RASAL2: variants seen among roughly 807,000 people sequenced by gnomAD.
RASAL2 encodes the protein RAS protein activator like 2.
Under a neutral mutation model 128.9 loss-of-function variants are expected in RASAL2, and 58 were observed. The observed-to-expected ratio is 0.45, with a 90% CI of 0.36 to 0.56. The LOEUF is 0.56. Ranked by LOEUF, RASAL2 falls within the 20% of genes least tolerant of loss-of-function variation. The pLI is 0.00. For missense variants in RASAL2, 1,360 were observed against 1,601.6 expected, an observed-to-expected ratio of 0.85 and a Z score of 2.57; for synonymous variants, 561 against 580.8, an observed-to-expected ratio of 0.97 and a Z score of 0.49.
rs1667701524 is a variant in RASAL2 at position 178,300,123 on chromosome 1, GCTA to G, written c.457+9_457+11del. 3 of 1,604,152 alleles carry G rather than the reference GCTA, an allele frequency of 1.9e-6. No individual in the cohort carries two copies. The East Asian group carries it at 6.7e-5, about 36-fold the overall frequency. ...CAGAGGGCGCCACTAAACTGGGTAAGCTACTATGAAAAGGAAATAAATTCCTAG... is the reference window on the plus strand; with the variant it reads ...CAGAGGGCGCCACTAAACTGGGTAAGCTATGAAAAGGAAATAAATTCCTAG... On this transcript the variant is annotated splice_donor_region_variant and intron_variant, in intron 3 of 17. Transcript: ENST00000367649.
chr1:178,247,174 C>A (rs1472500527), intron 1 of RASAL2, among the ~76,000 whole-genome samples: 5 of 152,098 alleles, frequency 3.3e-5, no homozygotes, highest in African/African-American at 1.2e-4. Context: ...TGGTAGAATT[C>A]GGCTGTGGAT....
rs1266553545 is a variant in RASAL2, at chr1:178,445,612, T to C, written c.1577T>C (p.Ile526Thr). The C allele has an allele frequency of 6.8e-6, 11 of 1,613,722 alleles. No individual in the cohort carries two copies. The highest frequency in any genetic ancestry group is 8.5e-6 in the Non-Finnish European group (10 of 1,179,786). ...GAGAACACTATTGCCACCAAATCCA[T>C]TGAGGAATACCTCAAGTTGGTGGGA... is the stretch of plus-strand genomic sequence containing the variant. Reference protein sequence around the residue: ...FRENTIATKSIEEYLKLVGQQ... With the variant: ...FRENTIATKSTEEYLKLVGQQ... Residue 526 changes from isoleucine (I) to threonine (T), a missense_variant, in exon 9 of 18, where the codon ATT becomes ACT. Coordinates refer to ENST00000367649, the MANE Select transcript of RASAL2 (RefSeq NM_170692.4).
At chr1:178,432,247 T>C (rs1021448630) in intron 5 of RASAL2, among the ~76,000 whole-genome samples, 2 of 152,098 alleles carry the variant, frequency 1.3e-5, no homozygotes, top group Non-Finnish European at 2.9e-5. Flanking sequence ...CTTCCTCATA[T>C]TTCATTCATT....
At chr1:178,194,824 C>T (rs895498274) in intron 1 of RASAL2, 1 of 152,252 alleles carries the variant, frequency 6.6e-6, no homozygotes, top group African/African-American at 2.4e-5. Context: ...CTGCACCTGA[C>T]ACAAAGAATG....
intron 3 of RASAL2, among the ~76,000 whole-genome samples, chr1:178,375,018 AGAC>A (rs1671912514): frequency 6.6e-6 from 1 of 152,178 alleles, no homozygotes; most frequent in African/African-American, 2.4e-5. Context: ...ATGGTAATTC[AGAC>A]GACAGTGGAG....
chr1:178,284,895 G>C (rs1666945634), intron 2 of RASAL2, among the ~76,000 whole-genome samples: 1 of 152,038 alleles, frequency 6.6e-6, no homozygotes, highest in Non-Finnish European at 1.5e-5. Flanking sequence ...TTCCAGAAAG[G>C]TGAGTTCAAA....
intron 1 of RASAL2, among the ~76,000 whole-genome samples, chr1:178,114,743 C>T (rs1340850771): frequency 1.3e-5 from 2 of 152,102 alleles, no homozygotes; most frequent in African/African-American, 2.4e-5. Flanking sequence ...AGGATGGTCT[C>T]GATCTCCTGA....
At position 178,303,315 on chromosome 1, in the gene RASAL2, G is replaced by A. The variant is rs190418128; in HGVS notation, c.457+3197G>A. ...TAATACAATAAAACTTCTAGAAATAGTGTAGGATATTTTCATGATCTTGGA... is the reference window on the plus strand; with the variant it reads ...TAATACAATAAAACTTCTAGAAATAATGTAGGATATTTTCATGATCTTGGA... On this transcript the variant is annotated intron_variant, in intron 3 of 17. Transcript: ENST00000367649. Among the ~76,000 whole-genome samples the A allele has an allele frequency of 4.6e-5, 7 of 152,202 alleles. No individual in the cohort carries two copies. The East Asian group carries it at 1.4e-3, about 29-fold the overall frequency.
intron 15 of RASAL2, among the ~76,000 whole-genome samples, chr1:178,465,487 T>C (rs767954978): frequency 2.6e-5 from 4 of 152,202 alleles, no homozygotes; most frequent in African/African-American, 4.8e-5. Context: ...TTTTCTCTTA[T>C]AGACAACTGA....
At chr1:178,333,249 G>A (rs550067044) in intron 3 of RASAL2, among the ~76,000 whole-genome samples, 1 of 151,640 alleles carries the variant, frequency 6.6e-6, no homozygotes. Flanking sequence ...GGATGGTCTC[G>A]ATCTCCTGAC....
chr1:178,290,743 T>A (rs2102238307), intron 2 of RASAL2, among the ~76,000 whole-genome samples: 1 of 152,282 alleles, frequency 6.6e-6, no homozygotes, highest in South Asian at 2.1e-4. Flanking sequence ...TGGTGCGATC[T>A]CGGCTCGCTG....
At chr1:178,122,533 C>T (rs942025953) in intron 1 of RASAL2, among the ~76,000 whole-genome samples, 2 of 152,132 alleles carry the variant, frequency 1.3e-5, no homozygotes, top group African/African-American at 4.8e-5. Flanking sequence ...AGTCATTTAT[C>T]TATTTGCATC....
chr1:178,141,046 C>T (rs2102329953), intron 1 of RASAL2, among the ~76,000 whole-genome samples: 1 of 152,266 alleles, frequency 6.6e-6, no homozygotes, highest in East Asian at 1.9e-4. Context: ...ACTTTTTAAA[C>T]AGCCAGGTCT....
intron 2 of RASAL2, among the ~76,000 whole-genome samples, chr1:178,285,159 G>A (rs1571778911): frequency 7.5e-6 from 1 of 133,734 alleles, no homozygotes; most frequent in East Asian, 2.1e-4. Flanking sequence ...TGTCACCCAG[G>A]CCGGACTGTG....
At chr1:178,224,477 T>A (rs926391293) in intron 1 of RASAL2, among the ~76,000 whole-genome samples, 3 of 152,146 alleles carry the variant, frequency 2.0e-5, no homozygotes, top group African/African-American at 7.2e-5. Context: ...GAAGCATATG[T>A]GCTCCAGTGA....
chr1:178,432,151 A>T (rs565336843), intron 5 of RASAL2, among the ~76,000 whole-genome samples: 74 of 151,952 alleles, frequency 4.9e-4, no homozygotes, highest in African/African-American at 1.6e-3. Context: ...TAATTTTTTT[A>T]AAAAACCTGT....
intron 1 of RASAL2, among the ~76,000 whole-genome samples, chr1:178,231,938 G>A (rs1664025661): frequency 6.6e-6 from 1 of 152,170 alleles, no homozygotes; most frequent in Admixed American, 6.5e-5. Flanking sequence ...ATTGGTTGAT[G>A]ATAATAGTGA....
intron 1 of RASAL2, among the ~76,000 whole-genome samples, chr1:178,225,274 A>G (rs1280635204): frequency 6.6e-6 from 1 of 151,946 alleles, no homozygotes; most frequent in Non-Finnish European, 1.5e-5. Flanking sequence ...TTCAAAAGGA[A>G]TGAAAACACA....
At chr1:178,307,955 AG>A (rs1327171192) in intron 3 of RASAL2, among the ~76,000 whole-genome samples, 26 of 152,232 alleles carry the variant, frequency 1.7e-4, no homozygotes, top group Admixed American at 7.9e-4. Flanking sequence ...AGGCTTTCTC[AG>A]TCCTCAAACA....
Sources: allele counts gnomAD v4.1 joint callset (sites outside exome capture counted in the v4.1 genomes callset), GRCh38; gene constraint gnomAD v4.1.1; transcripts MANE v1.5; gene names NCBI Gene and HGNC (gene_info 2026-07-23, HGNC 2026-07-21).